Variants in TXNDC11 observed in about 807,000 individuals in gnomAD.
TXNDC11 encodes thioredoxin domain-containing protein 11.
A neutral mutation model predicts 78.0 loss-of-function variants in TXNDC11; 68 were observed. The ratio of observed to expected loss-of-function variants is 0.87; its 90% CI spans 0.72 to 1.07. The LOEUF is 1.07. TXNDC11 is among the 50% of genes least tolerant of loss of function. The pLI, the probability that TXNDC11 is intolerant of heterozygous loss-of-function variation, is 0.00. For missense variants in TXNDC11, 1,389 were observed against 1,221.8 expected (o/e 1.14, Z -2.04); for synonymous variants, 571 against 495.2 (o/e 1.15, Z -2.03).
intron 5 of TXNDC11, among the ~76,000 whole-genome samples, chr16:11,709,922 T>C (rs1459579654): frequency 6.6e-6 from 1 of 152,198 alleles, no homozygotes; most frequent in Non-Finnish European, 1.5e-5. Context: ...CATATTAAAA[T>C]GATCAATTCA....
intron 6 of TXNDC11, 47 bp from the exon 7 acceptor site, chr16:11,698,372 G>C: frequency 8.9e-6 from 14 of 1,570,142 alleles, no homozygotes; most frequent in Non-Finnish European, 1.1e-5. Context: ...TCGTGAGGTG[G>C]GGCAAGCTCA....
rs1372788142 is a variant in TXNDC11 at position 11,742,603 on chromosome 16, G to A, written c.128C>T (p.Ser43Phe). Residue 43 changes from serine to phenylalanine, a missense_variant, in exon 1 of 12, where the codon TCC becomes TTC. Ser to Phe is a radical substitution (Grantham distance 155). Coordinates refer to ENST00000283033, the MANE Select transcript of TXNDC11 (RefSeq NM_015914.7). ...CCCGCGACGGAGCCGGCCCGCCGAGGACGCTGTGGCCAGGGTCGGGCTCGA... is the reference window on the plus strand; with the variant it reads ...CCCGCGACGGAGCCGGCCCGCCGAGAACGCTGTGGCCAGGGTCGGGCTCGA... The part of the protein sequence containing the change: ...LSSSPTLATA[S>F]SAGRLRRGLR... 1.4e-6 allele frequency: 2 copies of A among 1,459,664 alleles called. No homozygotes were observed. Among genetic ancestry groups the A allele is most frequent in the Non-Finnish European group, 1.8e-6 (2 of 1,112,104 alleles). The allele number at this position is 1,459,664 out of a possible 1,614,324, so 90.4% of individuals were successfully genotyped here.
Position 11,742,823 on chromosome 16 carries a change from C to G in TXNDC11, c.-93G>C. 7.3e-7 allele frequency: 1 copy of G among 1,366,680 alleles called. No homozygotes were observed. Among genetic ancestry groups the G allele is most frequent in the South Asian group, 1.9e-5 (1 of 53,284 alleles). 84.7% of individuals were successfully genotyped at this position (1,366,680 alleles called of 1,614,324 possible). Reference sequence around the variant, plus strand: ...GTTGCTCCCCAATCCCGCAGCTCGCCGCACCCGCTAACCCGGACGCTCCAC... The same window carrying G: ...GTTGCTCCCCAATCCCGCAGCTCGCGGCACCCGCTAACCCGGACGCTCCAC... On this transcript the variant is annotated 5_prime_UTR_variant, in exon 1 of 12. Coordinates refer to ENST00000283033, the MANE Select transcript of TXNDC11 (RefSeq NM_015914.7).
At chr16:11,701,038 C>T (rs181586745) in intron 5 of TXNDC11, among the ~76,000 whole-genome samples, 60 of 151,942 alleles carry the variant, frequency 3.9e-4, no homozygotes, top group South Asian at 2.7e-3. Flanking sequence ...TTCAGGTACT[C>T]CCTTTACCAA....
At chr16:11,740,312 C>A (rs1466774709) in intron 1 of TXNDC11, among the ~76,000 whole-genome samples, 5 of 152,160 alleles carry the variant, frequency 3.3e-5, no homozygotes. Context: ...AAAAATTAAT[C>A]CGAGTCTATT....
chr16:11,686,052 G>A (rs2050560379), intron 10 of TXNDC11, among the ~76,000 whole-genome samples: 2 of 152,084 alleles, frequency 1.3e-5, no homozygotes. Context: ...TCCGGCTGCT[G>A]GATTCAAGTG....
At chr16:11,724,562 C>T (rs529409980) in intron 4 of TXNDC11, among the ~76,000 whole-genome samples, 4 of 152,122 alleles carry the variant, frequency 2.6e-5, no homozygotes, top group South Asian at 4.2e-4. Context: ...TCAGGAGTTC[C>T]AAACTAGCCT....
At chr16:11,702,561 T>C (rs972734194) in intron 5 of TXNDC11, among the ~76,000 whole-genome samples, 5 of 152,114 alleles carry the variant, frequency 3.3e-5, no homozygotes, top group Admixed American at 1.3e-4. Flanking sequence ...TCCCAGCTAC[T>C]TGGGAGGCTG....
chr16:11,712,465 C>A (rs1324842754), intron 5 of TXNDC11, among the ~76,000 whole-genome samples: 1 of 152,166 alleles, frequency 6.6e-6, no homozygotes, highest in African/African-American at 2.4e-5. Flanking sequence ...TTGTGAGCAA[C>A]CCTACTTCTT....
chr16:11,689,087 C>CT (rs34967613), intron 8 of TXNDC11, among the ~76,000 whole-genome samples: 5,900 of 143,064 alleles, frequency 0.041, 380 homozygotes, highest in African/African-American at 0.14. Context: ...TTGAATTTCA[C>CT]TTTTTTTTTT....
chr16:11,705,231 C>G (rs1439085326), intron 5 of TXNDC11, among the ~76,000 whole-genome samples: 11 of 152,162 alleles, frequency 7.2e-5, no homozygotes, highest in Non-Finnish European at 1.5e-4. Context: ...ACAAAACCAC[C>G]TAACAATTGG....
chr16:11,698,317 G>A lies in TXNDC11; in HGVS notation c.915C>T (p.Pro305=). 2 of 1,613,262 alleles carry A rather than the reference G, an allele frequency of 1.2e-6. No individual in the cohort carries two copies. Among genetic ancestry groups the A allele is most frequent in the Admixed American group, 1.7e-5 (1 of 60,016 alleles). The change falls in exon 7 of 12, where the codon CCC becomes CCT. Residue 305 remains proline (P), a synonymous_variant. Transcript: ENST00000283033. The stretch of plus-strand genomic sequence containing the variant: ...CAGCTGTGTAGTTCAGGACCTCCCT[G>A]GGGAAGACCTGTGAAGGACAAAGGC... ...HRHFNTSLVF[P]REVLNYTAEN...
chr16:11,702,901 A>C (rs574174367), intron 5 of TXNDC11, among the ~76,000 whole-genome samples: 1 of 152,154 alleles, frequency 6.6e-6, no homozygotes, highest in Non-Finnish European at 1.5e-5. Context: ...GCCAGAGTCA[A>C]TAATTTTTCA....
chr16:11,711,067 T>C (rs1178567161), intron 5 of TXNDC11, among the ~76,000 whole-genome samples: 2 of 151,932 alleles, frequency 1.3e-5, no homozygotes, highest in East Asian at 1.9e-4. Flanking sequence ...TATTAATCCA[T>C]AGAACTTCCC....
intron 8 of TXNDC11, 98 bp from the exon 9 acceptor site, chr16:11,688,543 C>A: frequency 9.9e-7 from 1 of 1,005,982 alleles, no homozygotes; most frequent in Non-Finnish European, 1.4e-6. Flanking sequence ...CAAATGACTT[C>A]ATAGGCTCAC....
chr16:11,734,183 A>G, intron 2 of TXNDC11, 104 bp from the exon 3 acceptor site: 1 of 791,148 alleles, frequency 1.3e-6, no homozygotes, highest in South Asian at 1.5e-5. Flanking sequence ...TCTCTCACTG[A>G]AACAGAAACT....
chr16:11,726,345 G>A (rs538596850), intron 4 of TXNDC11, among the ~76,000 whole-genome samples: 7 of 152,062 alleles, frequency 4.6e-5, no homozygotes, highest in Non-Finnish European at 1.0e-4. Flanking sequence ...CACTTTGGGA[G>A]GCCGAGGCAG....
At chr16:11,734,187 A>G (rs2052150685) in intron 2 of TXNDC11, 108 bp from the exon 3 acceptor site, 2 of 776,234 alleles carry the variant, frequency 2.6e-6, no homozygotes, top group Non-Finnish European at 4.3e-6. Context: ...TCACTGAAAC[A>G]GAAACTATGA....
At chr16:11,734,833 T>A (rs2052172886) in intron 2 of TXNDC11, among the ~76,000 whole-genome samples, 1 of 152,210 alleles carries the variant, frequency 6.6e-6, no homozygotes, top group Non-Finnish European at 1.5e-5. Context: ...CATCAGTGGT[T>A]CTGAGCAGGA....
Sources: gnomAD v4.1 joint callset for allele counts (sites outside exome capture counted in the v4.1 genomes callset) on GRCh38, gnomAD v4.1.1 for gene constraint, MANE v1.5 for transcripts, NCBI Gene and HGNC (gene_info 2026-07-23, HGNC 2026-07-21) for gene names.